SLC5A10: variants seen among roughly 807,000 people sequenced by gnomAD.
SLC5A10 encodes sodium/mannose cotransporter SLC5A10.
A neutral mutation model predicts 68.9 loss-of-function variants in SLC5A10; 55 were observed. The ratio of observed to expected loss-of-function variants is 0.80; its 90% CI spans 0.64 to 1.00. The LOEUF (loss-of-function observed/expected upper bound fraction) is 1.00, where lower values mean the gene tolerates loss of function less well. SLC5A10 is among the 50% of genes least tolerant of loss of function. SLC5A10 has a pLI of 0.00. For missense variants in SLC5A10, 732 were observed against 819.3 expected (o/e 0.89, Z 1.30); for synonymous variants, 344 against 344.8 (o/e 1.00, Z 0.02).
intron 3 of SLC5A10, among the ~76,000 whole-genome samples, 179 bp downstream of exon 3, chr17:18,959,418 G>T (rs1054612764): frequency 1.3e-5 from 2 of 152,236 alleles, no homozygotes; most frequent in Non-Finnish European, 2.9e-5. Context: ...GGCACGACTG[G>T]CAGGGAGCTG....
At position 18,970,784 on chromosome 17, in the gene SLC5A10, T is replaced by G. The variant is rs116312883; in HGVS notation, c.641-229T>G. ...CTGGGGTGCCCATGTGCAAAATGCT[T>G]ACTTAATAGTATTATTTTAAATACG... is the stretch of plus-strand genomic sequence containing the variant. On this transcript the variant is annotated intron_variant, in intron 7 of 14. Coordinates refer to ENST00000395645, the MANE Select transcript of SLC5A10 (RefSeq NM_001042450.4). 3.5e-3 allele frequency: 1,956 copies of G among 559,222 alleles called. 27 individuals are homozygous for G. The highest frequency in any genetic ancestry group is 0.032 in the African/African-American group (1,728 of 53,282). 34.6% of individuals were successfully genotyped at this position (559,222 alleles called of 1,614,324 possible). A position where few individuals can be genotyped will look rare whatever the true frequency, so the allele number is the denominator to read the frequency against.
chr17:18,980,494 G>A (rs2152012294), intron 9 of SLC5A10, among the ~76,000 whole-genome samples: 1 of 152,244 alleles, frequency 6.6e-6, no homozygotes, highest in African/African-American at 2.4e-5. Flanking sequence ...GTCGTCACCG[G>A]CCTTTTCCTG....
chr17:18,970,719 T>G (rs1430253381), intron 7 of SLC5A10: 3 of 450,104 alleles, frequency 6.7e-6, no homozygotes, highest in Admixed American at 3.6e-5. Context: ...CCGATGAGTG[T>G]CCAGAGGCCA....
In SLC5A10 at chr17:19,022,180, A is replaced by C. The variant is rs2044275885; in HGVS notation, c.*1749A>C. ...AGGAGGTGGTTAGTAGGGTGCCTTC[A>C]GAAGCCCTGCAACCCACCCTCCCTC... On this transcript the variant is annotated 3_prime_UTR_variant, in exon 15 of 15. Coordinates refer to ENST00000395645, the MANE Select transcript of SLC5A10 (RefSeq NM_001042450.4). 3.2e-6 allele frequency: 4 copies of C among 1,267,604 alleles called. No individual in the cohort carries two copies. Among genetic ancestry groups the C allele is most frequent in the Non-Finnish European group, 4.2e-6 (4 of 951,254 alleles). 78.5% of individuals were successfully genotyped at this position (1,267,604 alleles called of 1,614,324 possible).
chr17:18,966,764 A>AT (rs1254490002), intron 5 of SLC5A10, among the ~76,000 whole-genome samples: 2 of 151,348 alleles, frequency 1.3e-5, no homozygotes, highest in African/African-American at 4.9e-5. Context: ...AAAAAAAAAA[A>AT]AACAACACTC....
In SLC5A10 at chr17:19,017,492, G is replaced by A; in HGVS notation, c.1242-1931G>A. On this transcript the variant is annotated intron_variant, in intron 11 of 14. Transcript: ENST00000395645. This position sits in a 1 kb window ranked among gnomAD's most constrained non-coding sequence, Gnocchi z 5.6. ...GAGGCCTGGAGAGGAGGCCATCGCA[G>A]GGCCGGGTGCAGTACCATGCCGGTG... 1.7e-6 allele frequency: 2 copies of A among 1,163,244 alleles called. No homozygotes were observed. Among genetic ancestry groups the A allele is most frequent in the Non-Finnish European group, 2.5e-6 (2 of 802,608 alleles). 72.1% of individuals were successfully genotyped at this position (1,163,244 alleles called of 1,614,324 possible). A position where few individuals can be genotyped will look rare whatever the true frequency, so the allele number is the denominator to read the frequency against.
chr17:18,994,923 A>C (rs1475670675), intron 9 of SLC5A10, among the ~76,000 whole-genome samples: 1 of 152,256 alleles, frequency 6.6e-6, no homozygotes, highest in African/African-American at 2.4e-5. Context: ...CCTGGGGTCC[A>C]TAATTTGCAA....
intron 7 of SLC5A10, chr17:18,969,656 G>T: frequency 2.1e-6 from 1 of 472,154 alleles, no homozygotes; most frequent in South Asian, 4.4e-5. Flanking sequence ...TACCAGCTCT[G>T]GCCCTGGCAA....
In SLC5A10 at chr17:19,015,138, A is replaced by G. The variant is rs890599523; in HGVS notation, c.1180A>G (p.Met394Val). 4.7e-6 allele frequency: 7 copies of G among 1,496,872 alleles called. No homozygotes were observed. Among genetic ancestry groups the G allele is most frequent in the African/African-American group, 1.4e-5 (1 of 71,462 alleles). The allele number at this position is 1,496,872 out of a possible 1,614,324, so 92.7% of individuals were successfully genotyped here. A position where few individuals can be genotyped will look rare whatever the true frequency, so the allele number is the denominator to read the frequency against. The change falls in exon 11 of 15, where the codon ATG (methionine) becomes GTG (valine). Residue 394 changes from methionine (M) to valine (V), a missense_variant. By Grantham distance (21) the Met-to-Val change is conservative. Transcript: ENST00000395645. ...CAACAGCAGCAGCACCCTCTTCACT[A>G]TGGACATCTGGAGGCGGCTGCGTCC... Reference protein sequence around the residue: ...IFNSSSTLFTMDIWRRLRPRS... With the variant: ...IFNSSSTLFTVDIWRRLRPRS...
intron 9 of SLC5A10, chr17:18,977,709 G>A (rs1261007913): frequency 6.2e-7 from 1 of 1,609,752 alleles, no homozygotes; most frequent in Non-Finnish European, 8.5e-7. Context: ...CGGGTTATAT[G>A]GGGGGCACTC....
intron 9 of SLC5A10, among the ~76,000 whole-genome samples, chr17:19,008,047 G>A (rs1451137765): frequency 6.6e-6 from 1 of 152,208 alleles, no homozygotes; most frequent in African/African-American, 2.4e-5. Flanking sequence ...GGTTTGGGGA[G>A]CTGAAGAGTT....
intron 5 of SLC5A10, among the ~76,000 whole-genome samples, chr17:18,966,125 G>A (rs1040310745): frequency 7.2e-5 from 11 of 152,220 alleles, no homozygotes; most frequent in African/African-American, 2.7e-4. Context: ...GGTACAAGAT[G>A]AAGGGAGGAA....
Position 18,969,389 on chromosome 17 carries a change from A to C in SLC5A10, c.607A>C (p.Met203Leu), listed in dbSNP as rs199908898. Reference protein sequence around the residue: ...IYTDALQTLIMVVGAVILTIK... With the variant: ...IYTDALQTLILVVGAVILTIK... ...CACGGACGCCCTGCAGACGCTCATCATGGTGGTGGGGGCTGTCATCCTGAC... is the reference window on the plus strand; with the variant it reads ...CACGGACGCCCTGCAGACGCTCATCCTGGTGGTGGGGGCTGTCATCCTGAC... The change falls in exon 7 of 15, where the codon ATG (methionine) becomes CTG (leucine). Residue 203 changes from methionine (M) to leucine (L), a missense_variant. By Grantham distance (15) the Met-to-Leu change is conservative. Transcript: ENST00000395645. The C allele has an allele frequency of 6.2e-7, 1 of 1,613,774 alleles. No homozygotes were observed. The highest frequency in any genetic ancestry group is 2.2e-5 in the East Asian group (1 of 44,876).
At chr17:18,992,428 G>A (rs1485118039) in intron 9 of SLC5A10, among the ~76,000 whole-genome samples, 1 of 152,222 alleles carries the variant, frequency 6.6e-6, no homozygotes, top group Non-Finnish European at 1.5e-5. Context: ...TGGGATGCAG[G>A]GGTGACAGCA....
At position 19,017,657 on chromosome 17, in the gene SLC5A10, C is replaced by G; in HGVS notation, c.1242-1766C>G. ...CACTGTTCCGCCACTGCCCCCCTGC[C>G]CCACTCTCCCCTGTCTGTGTTCCCG... On this transcript the variant is annotated intron_variant, in intron 11 of 14. Coordinates refer to ENST00000395645, the MANE Select transcript of SLC5A10 (RefSeq NM_001042450.4). The surrounding 1 kb of genome is among the most constrained non-coding windows in gnomAD (Gnocchi z 5.6). The G allele has an allele frequency of 2.2e-6, 1 of 460,548 alleles. No homozygotes were observed. Among genetic ancestry groups the G allele is most frequent in the Non-Finnish European group, 4.0e-6 (1 of 250,166 alleles). 28.5% of individuals were successfully genotyped at this position (460,548 alleles called of 1,614,324 possible).
Position 18,971,149 on chromosome 17 carries a change from G to C in SLC5A10, c.777G>C (p.Gly259=). The change falls in exon 8 of 15, where the codon GGG becomes GGC. Residue 259 remains glycine (G), a synonymous_variant. Transcript: ENST00000395645. The surrounding 1 kb of genome is among the most constrained non-coding windows in gnomAD (Gnocchi z 5.5). The part of the protein sequence containing the change: ...AMHMFRDPHT[G]DLPWTGMTFG... ...ACATGTTTCGAGACCCCCACACAGG[G>C]GACCTGCCGTGGACCGGGATGACCT... 2.5e-6 allele frequency: 4 copies of C among 1,614,064 alleles called. No homozygotes were observed. Among genetic ancestry groups the C allele is most frequent in the Non-Finnish European group, 2.5e-6 (3 of 1,180,042 alleles).
In SLC5A10 at chr17:18,971,076, G is replaced by C; in HGVS notation, c.704G>C (p.Arg235Thr). The C allele has an allele frequency of 6.2e-7, 1 of 1,614,088 alleles. No individual in the cohort carries two copies. The highest frequency in any genetic ancestry group is 8.5e-7 in the Non-Finnish European group (1 of 1,180,040). Residue 235 changes from arginine to threonine, a missense_variant, in exon 8 of 15, where the codon AGG becomes ACG. Physicochemically the swap from Arg to Thr is moderately conservative, Grantham distance 71 (BLOSUM62 -1). Coordinates refer to ENST00000395645, the MANE Select transcript of SLC5A10 (RefSeq NM_001042450.4). The surrounding 1 kb of genome is among the most constrained non-coding windows in gnomAD (Gnocchi z 5.5). Reference protein sequence around the residue: ...EAAYAQAIPSRTIANTTCHLP... With the variant: ...EAAYAQAIPSTTIANTTCHLP... ...GCCTACGCCCAGGCCATTCCCTCCAGGACCATTGCCAACACCACCTGCCAC... is the reference window on the plus strand; with the variant it reads ...GCCTACGCCCAGGCCATTCCCTCCACGACCATTGCCAACACCACCTGCCAC...
At chr17:18,960,731 TTCTCATTCA>T in intron 5 of SLC5A10, 79 bp downstream of exon 5, 1 of 1,316,296 alleles carries the variant, frequency 7.6e-7, no homozygotes, top group Non-Finnish European at 1.1e-6. Flanking sequence ...ACCTGACATC[TTCTCATTCA>T]TCTCTGCCTT....
chr17:18,987,543 A>G (rs922044438), intron 9 of SLC5A10, among the ~76,000 whole-genome samples: 1 of 152,170 alleles, frequency 6.6e-6, no homozygotes, highest in Non-Finnish European at 1.5e-5. Flanking sequence ...CGTTGGACCA[A>G]TGAGATCCTG....
Sources: allele counts gnomAD v4.1 joint callset (sites outside exome capture counted in the v4.1 genomes callset), GRCh38; gene constraint gnomAD v4.1.1; non-coding constraint Gnocchi (gnomAD v3.1); transcripts MANE v1.5; gene names NCBI Gene and HGNC (gene_info 2026-07-23, HGNC 2026-07-21).